The following DAAM1 variants were observed in gnomAD, a reference collection of about 807,000 sequenced individuals.
DAAM1 encodes the protein dishevelled associated activator of morphogenesis 1.
A neutral mutation model predicts 130.0 loss-of-function variants in DAAM1; 52 were observed. The ratio of observed to expected loss-of-function variants is 0.40; its 90% CI spans 0.32 to 0.50. DAAM1 has a LOEUF of 0.50. DAAM1 is among the 20% of genes least tolerant of loss of function. The pLI is 0.61. For missense variants in DAAM1, 1,134 were observed against 1,303.8 expected (o/e 0.87, Z 2.01); for synonymous variants, 452 against 444.5 (o/e 1.02, Z -0.21).
intron 1 of DAAM1, among the ~76,000 whole-genome samples, chr14:59,234,394 G>A (rs1889221566): frequency 6.6e-6 from 1 of 152,038 alleles, no homozygotes; most frequent in Admixed American, 6.6e-5. Context: ...TGTAGCAATT[G>A]TGAATGGCAG....
chr14:59,314,844 G>A (rs909205810), intron 3 of DAAM1, among the ~76,000 whole-genome samples: 2 of 152,170 alleles, frequency 1.3e-5, no homozygotes, highest in African/African-American at 4.8e-5. Flanking sequence ...ACTGTCTGAT[G>A]GAGTCTGAAT....
chr14:59,357,550 C>T (rs1000558456), intron 20 of DAAM1, among the ~76,000 whole-genome samples: 1 of 151,922 alleles, frequency 6.6e-6, no homozygotes, highest in Non-Finnish European at 1.5e-5. Context: ...AGGCCGAGGC[C>T]GGAAGATCAT....
At chr14:59,320,171 G>A (rs1884951771) in intron 4 of DAAM1, among the ~76,000 whole-genome samples, 1 of 152,064 alleles carries the variant, frequency 6.6e-6, no homozygotes, top group Non-Finnish European at 1.5e-5. Flanking sequence ...ATAATGTGAT[G>A]GTATTATTAT....
At chr14:59,244,215 AT>A (rs1236959480) in intron 1 of DAAM1, among the ~76,000 whole-genome samples, 1 of 149,006 alleles carries the variant, frequency 6.7e-6, no homozygotes, top group African/African-American at 2.5e-5. Flanking sequence ...CTCCCCAGCT[AT>A]GTGGCACTGT....
At chr14:59,274,458 A>G (rs2139528477) in intron 2 of DAAM1, among the ~76,000 whole-genome samples, 1 of 152,312 alleles carries the variant, frequency 6.6e-6, no homozygotes, top group South Asian at 2.1e-4. Flanking sequence ...TCATTGTGTT[A>G]ATCCACTATA....
chr14:59,191,562 C>T (rs2139376010), intron 1 of DAAM1, among the ~76,000 whole-genome samples: 1 of 152,252 alleles, frequency 6.6e-6, no homozygotes, highest in East Asian at 1.9e-4. Context: ...TTCATTTCAT[C>T]ATAAACCAAA....
chr14:59,365,077 C>CTTGTTCATCACAGTAGCCAGCATCGCGCT (rs1886864545), intron 23 of DAAM1, among the ~76,000 whole-genome samples: 1 of 150,574 alleles, frequency 6.6e-6, no homozygotes, highest in Non-Finnish European at 1.5e-5. Flanking sequence ...CTGTTGTCAG[C>CTTGTTCATCACAGTAGCCAGCATCGCGCT]TTGTTCATCA....
intron 5 of DAAM1, among the ~76,000 whole-genome samples, 166 bp from the exon 6 acceptor site, chr14:59,322,726 G>A (rs1957407): frequency 0.23 from 34,344 of 151,934 alleles, 4,657 homozygotes; most frequent in African/African-American, 0.37. Context: ...CTGACTATTG[G>A]GTCTGTGCCA....
chr14:59,325,278 T>C (rs1885164799), intron 8 of DAAM1, among the ~76,000 whole-genome samples: 1 of 152,230 alleles, frequency 6.6e-6, no homozygotes, highest in Non-Finnish European at 1.5e-5. Context: ...TGTGACTGAA[T>C]AAATGAATGG....
chr14:59,202,589 G>T (rs550769562), intron 1 of DAAM1, among the ~76,000 whole-genome samples: 1 of 152,300 alleles, frequency 6.6e-6, no homozygotes, highest in South Asian at 2.1e-4. Flanking sequence ...GAAACCCCCG[G>T]TTTTTTCCTT....
chr14:59,206,528 G>T (rs1360844880), intron 1 of DAAM1, among the ~76,000 whole-genome samples: 2 of 152,204 alleles, frequency 1.3e-5, no homozygotes, highest in African/African-American at 4.8e-5. Flanking sequence ...GCCTGCTGCG[G>T]CCTCCCAAAG....
intron 8 of DAAM1, among the ~76,000 whole-genome samples, chr14:59,324,913 C>T (rs1317763218): frequency 2.0e-5 from 3 of 152,170 alleles, no homozygotes; most frequent in Non-Finnish European, 4.4e-5. Flanking sequence ...TTCATTTCAT[C>T]GTTTGCTATC....
chr14:59,339,558 T>A (rs1280549686), intron 15 of DAAM1, among the ~76,000 whole-genome samples: 1 of 152,160 alleles, frequency 6.6e-6, no homozygotes, highest in Admixed American at 6.5e-5. Flanking sequence ...TCTGGAGTAA[T>A]GAAAGTTACC....
At chr14:59,255,876 A>T (rs971973693) in intron 1 of DAAM1, among the ~76,000 whole-genome samples, 1 of 152,218 alleles carries the variant, frequency 6.6e-6, no homozygotes, top group South Asian at 2.1e-4. Flanking sequence ...GGGAAGAACA[A>T]TTATGGTCCC....
At chr14:59,223,381 A>G (rs1888837963) in intron 1 of DAAM1, among the ~76,000 whole-genome samples, 1 of 152,224 alleles carries the variant, frequency 6.6e-6, no homozygotes, top group Non-Finnish European at 1.5e-5. Flanking sequence ...ACCAAGGCCC[A>G]GCCCAAGAGC....
chr14:59,342,452 T>C (rs1885888194), intron 16 of DAAM1, among the ~76,000 whole-genome samples: 1 of 152,234 alleles, frequency 6.6e-6, no homozygotes. Flanking sequence ...GTATTTTATT[T>C]AGTTTTTTAA....
chr14:59,243,975 A>C (rs1315983925), intron 1 of DAAM1, among the ~76,000 whole-genome samples: 1 of 152,138 alleles, frequency 6.6e-6, no homozygotes, highest in African/African-American at 2.4e-5. Flanking sequence ...TATTTAAGGG[A>C]ACATGGAAGT....
rs1479853946 is a variant in DAAM1 at position 59,288,042 on chromosome 14, C to G, written c.184-3175C>G. ...AACTATACAGCAAGGCTACAAAAAC[C>G]AAAACATCATGGTACTGGTATAAAA... On this transcript the variant is annotated intron_variant, in intron 2 of 24. Coordinates refer to ENST00000360909, the MANE Select transcript of DAAM1 (RefSeq NM_001270520.2). Among the ~76,000 whole-genome samples, 7 of 152,086 alleles carry G rather than the reference C, an allele frequency of 4.6e-5. No individual in the cohort carries two copies. In the East Asian group the frequency reaches 1.3e-3, roughly 29 times the overall value.
chr14:59,276,735 A>T (rs1322135001), intron 2 of DAAM1, among the ~76,000 whole-genome samples: 1 of 152,222 alleles, frequency 6.6e-6, no homozygotes. Flanking sequence ...CTGTACATTG[A>T]GTCAGATGGA....
Sources: allele counts gnomAD v4.1 joint callset (sites outside exome capture counted in the v4.1 genomes callset), GRCh38; gene constraint gnomAD v4.1.1; transcripts MANE v1.5; gene names NCBI Gene and HGNC (gene_info 2026-07-23, HGNC 2026-07-21).